SLC5A10: variants seen among roughly 807,000 people sequenced by gnomAD.
SLC5A10 encodes sodium/mannose cotransporter SLC5A10.
In SLC5A10, 55 loss-of-function variants were observed where a neutral mutation model predicts 68.9. That is an observed-to-expected ratio of 0.80 (90% CI 0.64 to 1.00). SLC5A10 has a LOEUF of 1.00. Among genes scored for constraint, SLC5A10 ranks in the 50% least tolerant of loss-of-function variants. The pLI is 0.00. For missense variants in SLC5A10, 732 were observed against 819.3 expected (o/e 0.89, Z 1.30); for synonymous variants, 344 against 344.8 (o/e 1.00, Z 0.02).
intron 9 of SLC5A10, among the ~76,000 whole-genome samples, chr17:19,012,751 T>C (rs2044042881): frequency 6.6e-6 from 1 of 152,148 alleles, no homozygotes; most frequent in South Asian, 2.1e-4. Flanking sequence ...GGGCATCAGC[T>C]CAGCTCTCTG....
chr17:19,020,091 T>C, intron 13 of SLC5A10, 64 bp from the exon 14 acceptor site: 1 of 1,499,366 alleles, frequency 6.7e-7, no homozygotes, highest in South Asian at 1.2e-5. Context: ...CCTTTGATCC[T>C]GTCTGGGTCA....
chr17:18,972,084 G>T (rs2042870051), intron 8 of SLC5A10, among the ~76,000 whole-genome samples: 8 of 152,202 alleles, frequency 5.3e-5, no homozygotes, highest in African/African-American at 1.7e-4. Context: ...TCTGTTGAGT[G>T]CAGGGGGTGA....
At chr17:18,969,179 G>A (rs1232606866) in intron 6 of SLC5A10, 22 bp downstream of exon 6, 9 of 1,610,800 alleles carry the variant, frequency 5.6e-6, no homozygotes, top group Non-Finnish European at 6.8e-6. Context: ...GCAGCAGGGA[G>A]GTCCACCCAG....
chr17:19,007,874 C>A (rs2043928410), intron 9 of SLC5A10, among the ~76,000 whole-genome samples: 1 of 152,082 alleles, frequency 6.6e-6, no homozygotes, highest in African/African-American at 2.4e-5. Flanking sequence ...AGATGAATCT[C>A]TATATTTAAC....
At position 18,977,164 on chromosome 17, in the gene SLC5A10, G is replaced by A. The variant is rs756901230; in HGVS notation, c.982+175G>A. On this transcript the variant is annotated intron_variant, in intron 9 of 14. Transcript: ENST00000395645. ...AATCAAAGGGATTAACATGGATGTG[G>A]CTTGGCACAAGGTCTGGACAGGTAT... 6 of 869,024 alleles carry A rather than the reference G, an allele frequency of 6.9e-6. No individual in the cohort carries two copies. The South Asian group carries it at 1.0e-4, about 15-fold the overall frequency. The allele number at this position is 869,024 out of a possible 1,614,324, so 53.8% of individuals were successfully genotyped here. A position where few individuals can be genotyped will look rare whatever the true frequency, so the allele number is the denominator to read the frequency against.
intron 9 of SLC5A10, 89 bp from the exon 10 acceptor site, chr17:19,013,321 G>T: frequency 6.3e-7 from 1 of 1,575,996 alleles, no homozygotes; most frequent in East Asian, 2.4e-5. Flanking sequence ...GAGCAGGTCT[G>T]GGCCAGGCTC....
chr17:19,013,948 TG>T (rs2044076507), intron 10 of SLC5A10, among the ~76,000 whole-genome samples: 1 of 151,728 alleles, frequency 6.6e-6, no homozygotes. Context: ...GACAAGGGAG[TG>T]GGTGGAGAAA....
intron 9 of SLC5A10, chr17:18,988,520 GC>G: frequency 6.6e-7 from 1 of 1,524,838 alleles, no homozygotes; most frequent in Non-Finnish European, 8.9e-7. Flanking sequence ...TCTCACAGGT[GC>G]CCACTCTGGC....
chr17:18,981,711 T>C (rs2152013945), intron 9 of SLC5A10, among the ~76,000 whole-genome samples: 1 of 152,250 alleles, frequency 6.6e-6, no homozygotes, highest in South Asian at 2.1e-4. Context: ...CCATAGCCTT[T>C]TCATAGGGCC....
chr17:18,979,513 CCT>C, intron 9 of SLC5A10: 2 of 1,609,044 alleles, frequency 1.2e-6, no homozygotes, highest in Non-Finnish European at 1.7e-6. Flanking sequence ...GCCAGAGGTA[CCT>C]CTCGCACAAC....
chr17:18,990,523 C>T (rs769790616), intron 9 of SLC5A10, among the ~76,000 whole-genome samples: 11 of 152,224 alleles, frequency 7.2e-5, no homozygotes, highest in Admixed American at 3.9e-4. Flanking sequence ...CCCTGCCTAC[C>T]GTGGCAGATG....
intron 1 of SLC5A10, 124 bp downstream of exon 1, chr17:18,952,440 T>G: frequency 8.2e-7 from 1 of 1,212,636 alleles, no homozygotes; most frequent in Non-Finnish European, 1.1e-6. Flanking sequence ...TAGTGATCCT[T>G]GTGGTCCTCC....
intron 5 of SLC5A10, among the ~76,000 whole-genome samples, chr17:18,962,121 C>G (rs2042624618): frequency 6.6e-6 from 1 of 152,174 alleles, no homozygotes; most frequent in African/African-American, 2.4e-5. Flanking sequence ...ACCCCCATGC[C>G]AGCCACCTCC....
intron 8 of SLC5A10, among the ~76,000 whole-genome samples, chr17:18,972,458 C>T (rs2428375): frequency 0.33 from 50,523 of 152,066 alleles, 8,734 homozygotes; most frequent in Non-Finnish European, 0.38. Flanking sequence ...GAGCTGGATC[C>T]GAACCCAGAG....
intron 9 of SLC5A10, among the ~76,000 whole-genome samples, chr17:18,986,569 C>A (rs548978226): frequency 2.0e-5 from 3 of 152,240 alleles, no homozygotes; most frequent in South Asian, 2.1e-4. Flanking sequence ...CCAGGCCCCC[C>A]ACCTGCCCCA....
intron 8 of SLC5A10, among the ~76,000 whole-genome samples, chr17:18,975,361 G>T (rs753767189): frequency 1.3e-5 from 2 of 152,150 alleles, no homozygotes; most frequent in Admixed American, 6.6e-5. Flanking sequence ...GCTGGGAGCC[G>T]TCCGTTAAAC....
intron 9 of SLC5A10, among the ~76,000 whole-genome samples, chr17:18,985,207 G>A (rs1274599838): frequency 2.0e-5 from 3 of 152,182 alleles, no homozygotes; most frequent in Non-Finnish European, 2.9e-5. Context: ...CGTGACCGAA[G>A]GCCCACCGCA....
chr17:18,960,661 C>T lies in SLC5A10; in HGVS notation c.453+9C>T, dbSNP rs2042596537. The T allele has an allele frequency of 1.9e-6, 3 of 1,609,108 alleles. No homozygotes were observed. The highest frequency in any genetic ancestry group is 2.7e-5 in the African/African-American group (2 of 74,844). On this transcript the variant is annotated intron_variant, in intron 5 of 14. Transcript: ENST00000395645. ...TCTTCACCAAGATATCGGTGAGCTG[C>T]CCCCGGCTCCCTGCTGGCATAGCCT... is the stretch of plus-strand genomic sequence containing the variant.
In SLC5A10 at chr17:18,978,839, G is replaced by A. The variant is rs774897550; in HGVS notation, c.982+1850G>A. 4 of 1,611,716 alleles carry A rather than the reference G, an allele frequency of 2.5e-6. No individual in the cohort carries two copies. The highest frequency in any genetic ancestry group is 1.7e-5 in the Admixed American group (1 of 60,000). On this transcript the variant is annotated intron_variant, in intron 9 of 14. Transcript: ENST00000395645. ...CACATTCCGGTCCGTCCGCGCGGCCGACCACGTGAAGCTGCAACAGAGGGA... is the reference window on the plus strand; with the variant it reads ...CACATTCCGGTCCGTCCGCGCGGCCAACCACGTGAAGCTGCAACAGAGGGA...
Sources: allele counts gnomAD v4.1 joint callset (sites outside exome capture counted in the v4.1 genomes callset), GRCh38; gene constraint gnomAD v4.1.1; transcripts MANE v1.5; gene names NCBI Gene and HGNC (gene_info 2026-07-23, HGNC 2026-07-21).